The following CHODL variants were observed in gnomAD, a reference collection of about 807,000 sequenced individuals.
CHODL encodes the protein chondrolectin.
Under a neutral mutation model 34.5 loss-of-function variants are expected in CHODL, and 29 were observed. That is an observed-to-expected ratio of 0.84 (90% CI 0.63 to 1.15). The LOEUF (loss-of-function observed/expected upper bound fraction) is 1.15. Among genes scored for constraint, CHODL ranks in the 50% most tolerant of loss-of-function variants. The probability of loss-of-function intolerance (pLI) is 0.00; values close to 1 mark genes in which losing one functional copy is unlikely to be tolerated. For missense variants in CHODL, 332 were observed against 332.5 expected (o/e 1.00, Z 0.01); for synonymous variants, 125 against 116.1 (o/e 1.08, Z -0.49).
chr21:18,033,161 T>C (rs1017079133), intron 2 of CHODL, among the ~76,000 whole-genome samples: 4 of 151,944 alleles, frequency 2.6e-5, no homozygotes, highest in Admixed American at 1.3e-4. Flanking sequence ...GGAGACCTGA[T>C]GGAACAGAGA....
chr21:18,079,456 T>TTA (rs532196141), intron 2 of CHODL, among the ~76,000 whole-genome samples: 25 of 148,114 alleles, frequency 1.7e-4, no homozygotes, highest in Middle Eastern at 3.6e-3. Flanking sequence ...CCATAGAATA[T>TTA]TATATATATA....
At chr21:18,149,976 C>G (rs1192815717) in intron 2 of CHODL, among the ~76,000 whole-genome samples, 1 of 152,136 alleles carries the variant, frequency 6.6e-6, no homozygotes, top group African/African-American at 2.4e-5. Context: ...AACATGTGCC[C>G]AAGGTGGTTG....
chr21:18,075,745 C>G (rs1433270279), intron 2 of CHODL, among the ~76,000 whole-genome samples: 1 of 152,086 alleles, frequency 6.6e-6, no homozygotes, highest in Non-Finnish European at 1.5e-5. Context: ...TCTGCCTTTG[C>G]TATGGTCTAA....
At chr21:18,147,172 T>TG (rs2072901104) in intron 2 of CHODL, among the ~76,000 whole-genome samples, 1 of 152,230 alleles carries the variant, frequency 6.6e-6, no homozygotes, top group Non-Finnish European at 1.5e-5. Flanking sequence ...CTCCTGTGTT[T>TG]GGGCTTAAAA....
At chr21:18,104,309 T>C (rs527750229) in intron 2 of CHODL, among the ~76,000 whole-genome samples, 46 of 152,278 alleles carry the variant, frequency 3.0e-4, no homozygotes, top group African/African-American at 1.1e-3. Flanking sequence ...TAGTGAGTTC[T>C]CATGAAAATC....
At chr21:18,014,165 A>G (rs1004193683) in intron 1 of CHODL, among the ~76,000 whole-genome samples, 7 of 152,176 alleles carry the variant, frequency 4.6e-5, no homozygotes, top group Non-Finnish European at 8.8e-5. Context: ...AGGAAACCAC[A>G]TGTAGGGAAT....
intron 2 of CHODL, among the ~76,000 whole-genome samples, chr21:18,198,031 T>G (rs1220632251): frequency 6.6e-6 from 1 of 152,238 alleles, no homozygotes; most frequent in Non-Finnish European, 1.5e-5. Context: ...GAAAAGCCAT[T>G]GTTATTAGTA....
At chr21:18,258,726 T>A (rs1293476850) in intron 3 of CHODL, among the ~76,000 whole-genome samples, 1 of 152,112 alleles carries the variant, frequency 6.6e-6, no homozygotes, top group Non-Finnish European at 1.5e-5. Context: ...ACTGTTGGCC[T>A]TATTAATGTG....
chr21:17,957,983 ATTG>A (rs2063505437), intron 1 of CHODL, among the ~76,000 whole-genome samples: 1 of 151,852 alleles, frequency 6.6e-6, no homozygotes. Context: ...ATTAGTACAG[ATTG>A]TTATTGATGT....
chr21:17,936,880 C>T (rs1225821142), intron 1 of CHODL, among the ~76,000 whole-genome samples: 6 of 151,942 alleles, frequency 3.9e-5, no homozygotes, highest in Non-Finnish European at 5.9e-5. Flanking sequence ...TTGAGACCAG[C>T]CTGGCCAACA....
rs751992493 is a variant in CHODL at position 18,256,602 on chromosome 21, G to T, written c.173G>T (p.Arg58Leu). The change falls in exon 2 of 6, where the codon CGC (arginine) becomes CTC (leucine). Residue 58 changes from arginine to leucine, a missense_variant. By Grantham distance (102) the Arg-to-Leu change is moderately radical. Coordinates refer to ENST00000299295, the MANE Select transcript of CHODL (RefSeq NM_024944.3). ...LSSRVSFQEARLACESEGGVL... is the reference protein window; with the variant it reads ...LSSRVSFQEALLACESEGGVL... ...AGCCGAGTGAGCTTTCAGGAGGCAC[G>T]CCTGGCTTGTGAGAGTGAGGGAGGA... 1.2e-6 allele frequency: 2 copies of T among 1,613,816 alleles called. No homozygotes were observed. Among genetic ancestry groups the T allele is most frequent in the Admixed American group, 1.7e-5 (1 of 59,944 alleles).
intron 2 of CHODL, among the ~76,000 whole-genome samples, chr21:18,038,537 C>T (rs1486917272): frequency 1.3e-5 from 2 of 151,596 alleles, no homozygotes; most frequent in African/African-American, 2.4e-5. Flanking sequence ...TATTTTTTTG[C>T]TTTCACTGTA....
rs2074321420 is a variant in CHODL, at chr21:18,256,774, C to T, written c.345C>T (p.Cys115=). The T allele has an allele frequency of 2.5e-6, 4 of 1,613,898 alleles. No homozygotes were observed. The highest frequency in any genetic ancestry group is 3.4e-6 in the Non-Finnish European group (4 of 1,179,954). The change falls in exon 2 of 6, where the codon TGC becomes TGT. Residue 115 remains cysteine, a synonymous_variant. Transcript: ENST00000299295. ...GAGATGGGCAAACATCTGGTGCCTG[C>T]CCAGATCTCTACCAGTGGTCTGATG... is the stretch of plus-strand genomic sequence containing the variant. ...RNGDGQTSGA[C]PDLYQWSDGS... is the part of the protein sequence containing the mutation.
At chr21:17,989,551 C>G (rs918712508) in intron 1 of CHODL, among the ~76,000 whole-genome samples, 2 of 152,056 alleles carry the variant, frequency 1.3e-5, no homozygotes, top group African/African-American at 4.8e-5. Context: ...CTGTCTGTAG[C>G]CTTTTCTTAA....
At chr21:18,206,574 G>T (rs892735639) in intron 2 of CHODL, among the ~76,000 whole-genome samples, 4 of 150,252 alleles carry the variant, frequency 2.7e-5, no homozygotes, top group Admixed American at 2.6e-4. Flanking sequence ...GTTGGCTCTT[G>T]TGTTTTTTTC....
chr21:18,203,460 T>A (rs2073677532), intron 2 of CHODL, among the ~76,000 whole-genome samples: 1 of 152,130 alleles, frequency 6.6e-6, no homozygotes, highest in Admixed American at 6.5e-5. Flanking sequence ...TAAATCTCCA[T>A]CAAAACATTA....
chr21:18,223,125 T>C (rs1355671560), intron 2 of CHODL, among the ~76,000 whole-genome samples: 1 of 152,114 alleles, frequency 6.6e-6, no homozygotes, highest in Non-Finnish European at 1.5e-5. Context: ...ATAACATAAG[T>C]GGGAAAAACT....
chr21:18,219,405 C>T (rs1421109952), intron 2 of CHODL, among the ~76,000 whole-genome samples: 1 of 152,088 alleles, frequency 6.6e-6, no homozygotes, highest in Non-Finnish European at 1.5e-5. Flanking sequence ...GATTTAATTA[C>T]CTCCCACAGG....
intron 2 of CHODL, among the ~76,000 whole-genome samples, chr21:18,042,868 C>CTTGATT (rs2064393166): frequency 6.6e-6 from 1 of 151,728 alleles, no homozygotes; most frequent in Admixed American, 6.6e-5. Context: ...GTCCAGAAAA[C>CTTGATT]TTGATTTTGG....
Sources: gnomAD v4.1 joint callset for allele counts (sites outside exome capture counted in the v4.1 genomes callset) on GRCh38, gnomAD v4.1.1 for gene constraint, MANE v1.5 for transcripts, NCBI Gene and HGNC (gene_info 2026-07-23, HGNC 2026-07-21) for gene names.